Variants in CPNE4 observed in about 807,000 individuals in gnomAD.
CPNE4 encodes copine-4.
In CPNE4, 25 loss-of-function variants were observed where a neutral mutation model predicts 67.9. That is an observed-to-expected ratio of 0.37 (90% confidence interval 0.27 to 0.51). The LOEUF is 0.51. CPNE4 is among the 20% of genes least tolerant of loss of function. The pLI is 0.93. For synonymous variants in CPNE4, 242 were observed against 244.9 expected, an observed-to-expected ratio of 0.99 and a Z score of 0.11; for missense variants, 464 against 690.8, an observed-to-expected ratio of 0.67 and a Z score of 3.68.
chr3:131,636,005 C>T (rs2079373537), intron 7 of CPNE4, among the ~76,000 whole-genome samples: 1 of 91,030 alleles, frequency 1.1e-5, no homozygotes, highest in Non-Finnish European at 1.9e-5. Context: ...GGCGTGAACC[C>T]GGGAGGCGGA....
At chr3:131,726,159 A>T (rs968775450) in intron 2 of CPNE4, among the ~76,000 whole-genome samples, 1 of 152,230 alleles carries the variant, frequency 6.6e-6, no homozygotes, top group East Asian at 1.9e-4. Flanking sequence ...CAGGTGATGG[A>T]AACTCTAGTC....
intron 2 of CPNE4, among the ~76,000 whole-genome samples, chr3:131,748,950 T>A (rs551798489): frequency 1.1e-4 from 16 of 152,190 alleles, no homozygotes; most frequent in Admixed American, 2.0e-4. Context: ...TTTCTATTTT[T>A]AATTTTGTTT....
At chr3:131,707,078 C>A in intron 3 of CPNE4, among the ~76,000 whole-genome samples, 1 of 152,198 alleles carries the variant, frequency 6.6e-6, no homozygotes, top group African/African-American at 2.4e-5. Context: ...TAAATCCCTT[C>A]AAATATTTTA....
intron 9 of CPNE4, 41 bp downstream of exon 9, chr3:131,581,538 C>T: frequency 7.6e-7 from 1 of 1,311,598 alleles, no homozygotes; most frequent in Non-Finnish European, 1.1e-6. Context: ...TCTCAGATAG[C>T]CCTAGCTTCA....
intron 2 of CPNE4, among the ~76,000 whole-genome samples, chr3:131,753,587 A>T (rs1212547596): frequency 6.6e-6 from 1 of 152,172 alleles, no homozygotes; most frequent in Non-Finnish European, 1.5e-5. Flanking sequence ...TAAGAGAAAG[A>T]TGAACGATAT....
chr3:131,562,171 C>G (rs563305517), intron 11 of CPNE4, among the ~76,000 whole-genome samples: 32 of 151,908 alleles, frequency 2.1e-4, no homozygotes, highest in African/African-American at 7.2e-4. Flanking sequence ...TTTGAGGGAA[C>G]AAAAAATGCT....
chr3:131,600,444 AG>A (rs1337383897), intron 7 of CPNE4, among the ~76,000 whole-genome samples: 1 of 152,164 alleles, frequency 6.6e-6, no homozygotes, highest in African/African-American at 2.4e-5. Flanking sequence ...TTAAAAGGGG[AG>A]GGGAATCAGA....
chr3:131,596,296 C>G (rs1042703130), intron 7 of CPNE4, among the ~76,000 whole-genome samples: 1 of 152,142 alleles, frequency 6.6e-6, no homozygotes, highest in Admixed American at 6.5e-5. Context: ...CAATTCTTTA[C>G]ACACCAATTA....
intron 7 of CPNE4, among the ~76,000 whole-genome samples, chr3:131,593,203 G>A (rs890401950): frequency 6.6e-6 from 1 of 152,284 alleles, no homozygotes; most frequent in Non-Finnish European, 1.5e-5. Flanking sequence ...TGTAAAAAAT[G>A]CCTTTGAGAT....
At chr3:131,662,295 G>A (rs1350869449) in intron 7 of CPNE4, among the ~76,000 whole-genome samples, 1 of 152,070 alleles carries the variant, frequency 6.6e-6, no homozygotes, top group Non-Finnish European at 1.5e-5. Context: ...GTGAATTTGT[G>A]GAGAAAATAC....
chr3:131,908,055 T>C (rs2088838026), intron 1 of CPNE4, among the ~76,000 whole-genome samples: 1 of 152,158 alleles, frequency 6.6e-6, no homozygotes, highest in African/African-American at 2.4e-5. Context: ...GTACCAGTTT[T>C]CTATCAGCCA....
chr3:131,558,099 T>C (rs567979256), intron 11 of CPNE4, among the ~76,000 whole-genome samples: 2 of 152,102 alleles, frequency 1.3e-5, no homozygotes, highest in African/African-American at 2.4e-5. Context: ...TGCACTGCTA[T>C]GTAATCGAGT....
intron 7 of CPNE4, among the ~76,000 whole-genome samples, chr3:131,610,170 C>T (rs1939751740): frequency 6.6e-6 from 1 of 152,018 alleles, no homozygotes; most frequent in Admixed American, 6.6e-5. Context: ...GTGCTAGTCA[C>T]TGTAGATAAA....
chr3:131,721,005 C>T (rs1055091461), intron 3 of CPNE4, among the ~76,000 whole-genome samples: 5 of 152,218 alleles, frequency 3.3e-5, no homozygotes, highest in African/African-American at 9.6e-5. Context: ...TGTCACTTCT[C>T]TTAGAAAGCC....
chr3:131,941,440 C>G (rs1439980777), intron 1 of CPNE4, among the ~76,000 whole-genome samples: 2 of 151,904 alleles, frequency 1.3e-5, no homozygotes, highest in Non-Finnish European at 2.9e-5. Flanking sequence ...CAAATCAGAG[C>G]TTTTTTCTCC....
At chr3:131,671,667 T>A (rs1056072064) in intron 6 of CPNE4, among the ~76,000 whole-genome samples, 8 of 152,234 alleles carry the variant, frequency 5.3e-5, no homozygotes, top group Admixed American at 2.6e-4. Context: ...TAGAAATTCT[T>A]GGGAACAGGA....
intron 1 of CPNE4, among the ~76,000 whole-genome samples, chr3:131,923,445 C>T (rs923319319): frequency 8.5e-5 from 13 of 152,136 alleles, no homozygotes; most frequent in African/African-American, 3.1e-4. Context: ...TGGCTCACGC[C>T]TGTATTTCCA....
chr3:131,844,861 C>T (rs1375774059), intron 2 of CPNE4, among the ~76,000 whole-genome samples: 1 of 152,140 alleles, frequency 6.6e-6, no homozygotes, highest in Admixed American at 6.5e-5. Flanking sequence ...TTCTTCAAAA[C>T]TTCATGGCTC....
At position 131,624,800 on chromosome 3, in the gene CPNE4, C is replaced by T. The variant is rs553842298; in HGVS notation, c.682-37218G>A. The stretch of plus-strand genomic sequence containing the variant: ...GGTTCTATTTAAAACGTGCTCTTTC[C>T]CTACACTCACATAGCACTTTACCAG... On this transcript the variant is annotated intron_variant, in intron 7 of 15. Transcript: ENST00000429747. 8.5e-5 allele frequency among the ~76,000 whole-genome samples: 13 copies of T among 152,258 alleles called. No individual in the cohort carries two copies. The South Asian group carries it at 2.7e-3, about 32-fold the overall frequency.
Sources: gnomAD v4.1 joint callset for allele counts (sites outside exome capture counted in the v4.1 genomes callset) on GRCh38, gnomAD v4.1.1 for gene constraint, MANE v1.5 for transcripts, NCBI Gene and HGNC (gene_info 2026-07-23, HGNC 2026-07-21) for gene names.